SPAG16: variants seen among roughly 807,000 people sequenced by gnomAD.
The protein encoded by SPAG16 is sperm-associated antigen 16 protein.
Under a neutral mutation model 80.4 loss-of-function variants are expected in SPAG16, and 86 were observed. The ratio of observed to expected loss-of-function variants is 1.07; its 90% CI spans 0.90 to 1.28. SPAG16 has a LOEUF of 1.28. Among genes scored for constraint, SPAG16 ranks in the 50% most tolerant of loss-of-function variants. The pLI, the probability that SPAG16 is intolerant of heterozygous loss-of-function variation, is 0.00. For missense variants in SPAG16, 870 were observed against 765.3 expected, an observed-to-expected ratio of 1.14 and a Z score of -1.61; for synonymous variants, 294 against 265.9, an observed-to-expected ratio of 1.11 and a Z score of -1.03.
At chr2:214,265,595 G>GT (rs1261617295) in intron 15 of SPAG16, among the ~76,000 whole-genome samples, 1 of 151,886 alleles carries the variant, frequency 6.6e-6, no homozygotes, top group Non-Finnish European at 1.5e-5. Context: ...CAGAGCAGGA[G>GT]TTTTTAATTT....
chr2:214,306,879 T>A (rs566958627), intron 15 of SPAG16, among the ~76,000 whole-genome samples: 1 of 152,318 alleles, frequency 6.6e-6, no homozygotes, highest in African/African-American at 2.4e-5. Context: ...GGCTTTGGGA[T>A]CAGGATGATG....
intron 10 of SPAG16, among the ~76,000 whole-genome samples, chr2:213,578,562 C>A (rs986021612): frequency 6.6e-6 from 1 of 151,954 alleles, no homozygotes; most frequent in African/African-American, 2.4e-5. Flanking sequence ...TTATGAACTA[C>A]AAATAAAATC....
chr2:213,647,533 G>T (rs914287601), intron 10 of SPAG16, among the ~76,000 whole-genome samples: 1 of 150,604 alleles, frequency 6.6e-6, no homozygotes, highest in African/African-American at 2.5e-5. Flanking sequence ...GCTCCATTCG[G>T]TCTTTGTTTT....
At position 214,318,507 on chromosome 2, in the gene SPAG16, G is replaced by A. The variant is rs1193338712; in HGVS notation, c.1721-91633G>A. ...AGCAATTCTCCTGCCTCAGCCTCCC[G>A]AGTAGCTAGGATTGCAGGTGTGCAC... On this transcript the variant is annotated intron_variant, in intron 15 of 15. Transcript: ENST00000331683. Among the ~76,000 whole-genome samples, 7 of 147,520 alleles carry A rather than the reference G, an allele frequency of 4.7e-5. No homozygotes were observed. In the South Asian group the frequency reaches 6.7e-4, roughly 14 times the overall value.
chr2:213,740,368 T>C (rs186220025), intron 10 of SPAG16, among the ~76,000 whole-genome samples: 4 of 152,316 alleles, frequency 2.6e-5, no homozygotes, highest in African/African-American at 9.6e-5. Context: ...GTTGATGTCT[T>C]ATGAAATGTG....
At chr2:214,095,585 G>A (rs965428239) in intron 13 of SPAG16, among the ~76,000 whole-genome samples, 28 of 152,106 alleles carry the variant, frequency 1.8e-4, no homozygotes, top group Admixed American at 1.4e-3. Flanking sequence ...ATATTTCAGG[G>A]TTTTTCCTTT....
At chr2:213,468,480 GATATATATATGTATTTATATATAGAT>G (rs1559162891) in intron 9 of SPAG16, among the ~76,000 whole-genome samples, 28 of 100,492 alleles carry the variant, frequency 2.8e-4, no homozygotes, top group African/African-American at 1.1e-3. Flanking sequence ...TTTATATATA[GATATATATATGTATTTATATATAGAT>G]ATATATATAT....
chr2:213,995,333 AT>A (rs2046466622), intron 12 of SPAG16, among the ~76,000 whole-genome samples: 1 of 152,198 alleles, frequency 6.6e-6, no homozygotes. Flanking sequence ...GGAAAAGCAG[AT>A]TTAAAGCTTG....
At chr2:213,976,261 CACAT>C (rs2045396034) in intron 12 of SPAG16, among the ~76,000 whole-genome samples, 1 of 150,454 alleles carries the variant, frequency 6.6e-6, no homozygotes, top group African/African-American at 2.4e-5. Context: ...TGTATATACA[CACAT>C]ATACATATGC....
intron 11 of SPAG16, among the ~76,000 whole-genome samples, chr2:213,880,565 A>G (rs532491597): frequency 6.6e-6 from 1 of 152,216 alleles, no homozygotes; most frequent in South Asian, 2.1e-4. Flanking sequence ...GATGTCAAGA[A>G]TGGTATTTCC....
chr2:213,651,066 A>G (rs960494156), intron 10 of SPAG16, among the ~76,000 whole-genome samples: 10 of 152,178 alleles, frequency 6.6e-5, no homozygotes, highest in African/African-American at 2.2e-4. Context: ...CTGAGATTCA[A>G]TCTGAGAATT....
At chr2:213,720,185 G>A (rs575137581) in intron 10 of SPAG16, among the ~76,000 whole-genome samples, 25 of 152,180 alleles carry the variant, frequency 1.6e-4, no homozygotes, top group South Asian at 6.2e-4. Flanking sequence ...AGGGCCTTTC[G>A]GGGGCTGGGG....
At chr2:214,264,794 C>G (rs1691433353) in intron 15 of SPAG16, among the ~76,000 whole-genome samples, 1 of 152,112 alleles carries the variant, frequency 6.6e-6, no homozygotes, top group Admixed American at 6.6e-5. Flanking sequence ...CTTCCTTCCT[C>G]CTAAACTCTT....
intron 6 of SPAG16, among the ~76,000 whole-genome samples, chr2:213,348,403 A>C (rs1354263660): frequency 6.6e-6 from 1 of 152,114 alleles, no homozygotes; most frequent in Non-Finnish European, 1.5e-5. Flanking sequence ...CTTATGTGTG[A>C]ATTTGATCCT....
intron 9 of SPAG16, among the ~76,000 whole-genome samples, chr2:213,429,159 C>A (rs146778031): frequency 1.3e-5 from 2 of 151,820 alleles, no homozygotes; most frequent in African/African-American, 4.8e-5. Context: ...AAGGACTGGG[C>A]TGCCTCTGCC....
chr2:213,741,209 C>T (rs921622048), intron 10 of SPAG16, among the ~76,000 whole-genome samples: 16 of 151,926 alleles, frequency 1.1e-4, no homozygotes, highest in African/African-American at 3.9e-4. Flanking sequence ...ACTAGTTAAG[C>T]GCATGTCTAC....
At chr2:213,441,187 C>T (rs1224779860) in intron 9 of SPAG16, among the ~76,000 whole-genome samples, 1 of 152,094 alleles carries the variant, frequency 6.6e-6, no homozygotes, top group Non-Finnish European at 1.5e-5. Flanking sequence ...CAAAACTAAG[C>T]CATACATATA....
At chr2:214,055,438 T>A (rs1025288673) in intron 13 of SPAG16, among the ~76,000 whole-genome samples, 1 of 152,150 alleles carries the variant, frequency 6.6e-6, no homozygotes, top group African/African-American at 2.4e-5. Flanking sequence ...TATTTCCACT[T>A]TCCAAGCCTT....
At chr2:213,403,879 G>A (rs2068465015) in intron 9 of SPAG16, among the ~76,000 whole-genome samples, 2 of 152,098 alleles carry the variant, frequency 1.3e-5, no homozygotes, top group Admixed American at 6.6e-5. Flanking sequence ...CAAAATCAAT[G>A]TACAAAAATC....
Sources: allele counts gnomAD v4.1 joint callset (sites outside exome capture counted in the v4.1 genomes callset), GRCh38; gene constraint gnomAD v4.1.1; transcripts MANE v1.5; gene names NCBI Gene and HGNC (gene_info 2026-07-23, HGNC 2026-07-21).